Variants in ANKDD1A observed in about 807,000 individuals in gnomAD.
ANKDD1A encodes the protein ankyrin repeat and death domain containing 1A, also known as ankyrin repeat and death domain-containing protein 1A.
In ANKDD1A, 59 loss-of-function variants were observed where a neutral mutation model predicts 63.5. That is an observed-to-expected ratio of 0.93 (90% CI 0.75 to 1.15). The LOEUF (loss-of-function observed/expected upper bound fraction) is 1.15. Ranked by LOEUF, ANKDD1A falls within the 50% of genes most tolerant of loss-of-function variation. The pLI, the probability that ANKDD1A is intolerant of heterozygous loss-of-function variation, is 0.00. For synonymous variants in ANKDD1A, 266 were observed against 263.9 expected (o/e 1.01, Z -0.08); for missense variants, 632 against 656.4 (o/e 0.96, Z 0.41).
intron 14 of ANKDD1A, chr15:64,951,162 C>G: frequency 9.1e-7 from 1 of 1,094,612 alleles, no homozygotes; most frequent in Non-Finnish European, 1.1e-6. Context: ...ATGCAGAGCC[C>G]AGGAGGCAAA....
At chr15:64,938,725 G>A (rs888056960) in intron 9 of ANKDD1A, among the ~76,000 whole-genome samples, 1 of 151,502 alleles carries the variant, frequency 6.6e-6, no homozygotes, top group Admixed American at 6.6e-5. Flanking sequence ...GCTGAGGTGA[G>A]TGGATCACTT....
At chr15:64,943,171 C>T (rs952822775) in intron 10 of ANKDD1A, 8 of 314,228 alleles carry the variant, frequency 2.5e-5, no homozygotes, top group Admixed American at 2.3e-4. Context: ...TTGAAAATGG[C>T]CTAAATATTT....
intron 8 of ANKDD1A, among the ~76,000 whole-genome samples, chr15:64,933,684 A>G (rs1437141009): frequency 6.6e-6 from 1 of 151,000 alleles, no homozygotes; most frequent in African/African-American, 2.4e-5. Flanking sequence ...TCTACTAAAA[A>G]TACAAAAATT....
chr15:64,938,834 A>C (rs2085156846), intron 9 of ANKDD1A, among the ~76,000 whole-genome samples: 1 of 151,008 alleles, frequency 6.6e-6, no homozygotes, highest in Non-Finnish European at 1.5e-5. Context: ...AATCCCAGCT[A>C]TTTGGGAGGC....
At chr15:64,917,821 A>G (rs1347886185) in intron 3 of ANKDD1A, among the ~76,000 whole-genome samples, 3 of 152,258 alleles carry the variant, frequency 2.0e-5, no homozygotes, top group South Asian at 2.1e-4. Context: ...AGGCCTGATT[A>G]GCAAAAGCAC....
At position 64,915,903 on chromosome 15, in the gene ANKDD1A, G is replaced by C; in HGVS notation, c.138+3G>C. ...TTAACACCAGGGCCAGAAACCACGT[G>C]CGTAATGAGCTTCTCTGAATCCAGG... On this transcript the variant is annotated splice_donor_region_variant and intron_variant, in intron 2 of 14. Transcript: ENST00000319580. 3 of 1,612,782 alleles carry C rather than the reference G, an allele frequency of 1.9e-6. No individual in the cohort carries two copies. In the South Asian group the frequency reaches 3.3e-5, roughly 18 times the overall value.
intron 4 of ANKDD1A, among the ~76,000 whole-genome samples, chr15:64,924,947 C>T (rs1186091160): frequency 6.6e-6 from 1 of 152,154 alleles, no homozygotes; most frequent in Non-Finnish European, 1.5e-5. Context: ...ACACACTGGG[C>T]CGGGCGTGGT....
intron 9 of ANKDD1A, among the ~76,000 whole-genome samples, chr15:64,935,225 C>CA (rs1243053667): frequency 1.2e-3 from 115 of 98,680 alleles, no homozygotes; most frequent in African/African-American, 3.3e-3. Context: ...GACTCTGTCT[C>CA]AAAAAAAAAA....
rs1555397230 is a variant in ANKDD1A, at chr15:64,950,747, C to CAG, written c.1483+775_1483+776insAG. 123 of 905,330 alleles carry CAG rather than the reference C, an allele frequency of 1.4e-4. 8 individuals carry two copies. The East Asian group carries it at 5.5e-3, about 41-fold the overall frequency. The allele number at this position is 905,330 out of a possible 1,614,324, so 56.1% of individuals were successfully genotyped here. On this transcript the variant is annotated intron_variant, in intron 14 of 14. Coordinates refer to ENST00000319580, the MANE Select transcript of ANKDD1A (RefSeq NM_182703.6). ...AAGGACCGCCCCCCCCCCCCCCCCC[C>CAG]CCCATAGCTGCTATAGGCAAGGTGG...
Position 64,942,486 on chromosome 15 carries a change from A to T in ANKDD1A, c.887A>T (p.His296Leu). Residue 296 changes from histidine (H) to leucine (L), a missense_variant, in exon 10 of 15, where the codon CAC becomes CTC. Physicochemically the swap from His to Leu is moderately conservative, Grantham distance 99 (BLOSUM62 -3). Transcript: ENST00000319580. Reference protein sequence around the residue: ...VVDHQGASPLHLAVRHNFPAL... With the variant: ...VVDHQGASPLLLAVRHNFPAL... ...CCACAGCAGGGTGCCTCTCCTCTGC[A>T]CCTCGCTGTGAGGCACAACTTCCCT... 1 of 1,613,146 alleles carries T rather than the reference A, an allele frequency of 6.2e-7. No individual in the cohort carries two copies.
At chr15:64,953,343 C>T (rs188355482) in intron 14 of ANKDD1A, among the ~76,000 whole-genome samples, 1 of 148,994 alleles carries the variant, frequency 6.7e-6, no homozygotes, top group Non-Finnish European at 1.5e-5. Flanking sequence ...TTCTTCCTCT[C>T]CTTCTTCTTA....
chr15:64,955,562 C>T (rs923274209), intron 14 of ANKDD1A, among the ~76,000 whole-genome samples: 2 of 152,152 alleles, frequency 1.3e-5, no homozygotes, highest in Admixed American at 6.5e-5. Context: ...GGAAGCTTCA[C>T]GGTTTCCCAG....
intron 14 of ANKDD1A, among the ~76,000 whole-genome samples, chr15:64,952,384 T>TCCTCTTTC (rs2085306921): frequency 1.1e-3 from 4 of 3,792 alleles, no homozygotes; most frequent in Non-Finnish European, 3.4e-3. Context: ...CCTCTTTCCT[T>TCCTCTTTC]CTTTTCTTCT....
At chr15:64,923,669 G>T (rs1206250176) in intron 4 of ANKDD1A, among the ~76,000 whole-genome samples, 1 of 152,164 alleles carries the variant, frequency 6.6e-6, no homozygotes, top group African/African-American at 2.4e-5. Context: ...TATGTGGTGG[G>T]TCACAAGATC....
intron 8 of ANKDD1A, among the ~76,000 whole-genome samples, 175 bp from the exon 9 acceptor site, chr15:64,933,961 C>T (rs2085108415): frequency 6.6e-6 from 1 of 152,136 alleles, no homozygotes; most frequent in South Asian, 2.1e-4. Context: ...TAATGAGTTC[C>T]TTTTACTGGT....
intron 13 of ANKDD1A, 55 bp from the exon 14 acceptor site, chr15:64,949,786 C>A (rs2085254841): frequency 6.3e-7 from 1 of 1,587,712 alleles, no homozygotes; most frequent in Non-Finnish European, 8.5e-7. Context: ...GCGCTCTGGT[C>A]AAGTGGCCCC....
At chr15:64,928,176 A>C (rs1215212960) in intron 6 of ANKDD1A, among the ~76,000 whole-genome samples, 1 of 152,228 alleles carries the variant, frequency 6.6e-6, no homozygotes, top group African/African-American at 2.4e-5. Flanking sequence ...TGGAAGCAGC[A>C]TCCTAATGCA....
intron 8 of ANKDD1A, chr15:64,932,391 A>T (rs2085098838): frequency 6.6e-6 from 1 of 152,068 alleles, no homozygotes; most frequent in African/African-American, 2.4e-5. Context: ...GCTCCCACCC[A>T]CTGATGAAGC....
intron 14 of ANKDD1A, chr15:64,951,152 A>G (rs1284634430): frequency 1.8e-6 from 2 of 1,115,942 alleles, no homozygotes; most frequent in Non-Finnish European, 2.2e-6. Flanking sequence ...ATGCACAGTC[A>G]TGCAGAGCCC....
Sources: allele counts gnomAD v4.1 joint callset (sites outside exome capture counted in the v4.1 genomes callset), GRCh38; gene constraint gnomAD v4.1.1; transcripts MANE v1.5; gene names NCBI Gene and HGNC (gene_info 2026-07-23, HGNC 2026-07-21).